The following METTL15 variants were observed in gnomAD, a reference collection of about 807,000 sequenced individuals.
The protein encoded by METTL15 is 12S rRNA N(4)-cytidine methyltransferase METTL15.
METTL15 carries 34 observed loss-of-function variants against 38.3 expected under a neutral mutation model. The observed-to-expected ratio is 0.89, with a 90% CI of 0.68 to 1.18. The LOEUF is 1.18. Among genes scored for constraint, METTL15 ranks in the 50% most tolerant of loss-of-function variants. The pLI, the probability that METTL15 is intolerant of heterozygous loss-of-function variation, is 0.00. For synonymous variants in METTL15, 162 were observed against 170.9 expected, an observed-to-expected ratio of 0.95 and a Z score of 0.41; for missense variants, 438 against 498.4, an observed-to-expected ratio of 0.88 and a Z score of 1.15.
At chr11:28,311,392 C>T (rs73438531) in intron 6 of METTL15, among the ~76,000 whole-genome samples, 21,955 of 152,160 alleles carry the variant, frequency 0.14, 1,782 homozygotes, top group East Asian at 0.29. Context: ...GTGCCCTGAA[C>T]GTTTCCTTCT....
At chr11:28,400,145 T>G (rs950850911) in intron 5 of METTL15, among the ~76,000 whole-genome samples, 2 of 151,964 alleles carry the variant, frequency 1.3e-5, no homozygotes, top group East Asian at 3.9e-4. Flanking sequence ...GATCATAGAT[T>G]TGGCCTTTTG....
intron 6 of METTL15, among the ~76,000 whole-genome samples, chr11:28,477,257 A>G (rs1212631683): frequency 6.6e-6 from 1 of 152,064 alleles, no homozygotes; most frequent in African/African-American, 2.4e-5. Flanking sequence ...GCTCACTGCA[A>G]TCTCCGCCTC....
intron 3 of METTL15, chr11:28,134,462 A>G: frequency 2.5e-6 from 1 of 398,112 alleles, no homozygotes; most frequent in South Asian, 1.3e-4. Context: ...TCTGCACAAA[A>G]CATGGGTTGG....
intron 3 of METTL15, among the ~76,000 whole-genome samples, chr11:28,171,459 A>G (rs1344498689): frequency 6.6e-6 from 1 of 152,148 alleles, no homozygotes; most frequent in African/African-American, 2.4e-5. Context: ...TTCTTAATGT[A>G]ATTTTTTAAA....
intron 4 of METTL15, among the ~76,000 whole-genome samples, chr11:28,277,710 AAC>A (rs1189529586): frequency 6.6e-6 from 1 of 152,130 alleles, no homozygotes; most frequent in Non-Finnish European, 1.5e-5. Flanking sequence ...AAGCAAAAAA[AAC>A]AGCAACAAAA....
chr11:28,456,910 G>GCCATGTGATTCTTC (rs1851174029), intron 6 of METTL15, among the ~76,000 whole-genome samples: 1 of 152,176 alleles, frequency 6.6e-6, no homozygotes, highest in Non-Finnish European at 1.5e-5. Flanking sequence ...TTAAGTCTAA[G>GCCATGTGATTCTTC]CCATGTGATT....
At chr11:28,191,980 A>G (rs1347383562) in intron 3 of METTL15, among the ~76,000 whole-genome samples, 3 of 151,684 alleles carry the variant, frequency 2.0e-5, no homozygotes, top group Non-Finnish European at 3.0e-5. Flanking sequence ...GTGTTTATAT[A>G]TTTAAAGCCT....
At chr11:28,287,850 G>A (rs1411194295) in intron 4 of METTL15, among the ~76,000 whole-genome samples, 1 of 152,004 alleles carries the variant, frequency 6.6e-6, no homozygotes, top group African/African-American at 2.4e-5. Context: ...ATCCAAACAA[G>A]CCAATCACAT....
chr11:28,297,995 C>A, intron 6 of METTL15, among the ~76,000 whole-genome samples: 1 of 151,966 alleles, frequency 6.6e-6, no homozygotes, highest in Middle Eastern at 3.4e-3. Flanking sequence ...AGACTATATT[C>A]TACTTAGTTA....
intron 1 of METTL15, among the ~76,000 whole-genome samples, chr11:28,109,912 G>A (rs115836267): frequency 9.8e-4 from 150 of 152,302 alleles, no homozygotes; most frequent in African/African-American, 3.5e-3. Flanking sequence ...TCCCACTACT[G>A]TGCCACCTTG....
At chr11:28,358,912 A>C (rs1850112225) in intron 4 of METTL15, among the ~76,000 whole-genome samples, 1 of 152,178 alleles carries the variant, frequency 6.6e-6, no homozygotes, top group South Asian at 2.1e-4. Context: ...CTGCATAAAT[A>C]TTCTTTGTTG....
At chr11:28,395,726 A>T (rs1700690420) in intron 5 of METTL15, among the ~76,000 whole-genome samples, 10 of 152,152 alleles carry the variant, frequency 6.6e-5, no homozygotes. Context: ...AAACGAGAGA[A>T]TCCTCCGTAA....
intron 3 of METTL15, among the ~76,000 whole-genome samples, chr11:28,159,352 G>T (rs1850372265): frequency 6.6e-6 from 1 of 151,862 alleles, no homozygotes; most frequent in African/African-American, 2.4e-5. Context: ...CATGCCCTGT[G>T]ATTAAGGTCA....
chr11:28,132,652 T>A (rs1328314830), intron 3 of METTL15, among the ~76,000 whole-genome samples: 1 of 152,174 alleles, frequency 6.6e-6, no homozygotes, highest in Non-Finnish European at 1.5e-5. Flanking sequence ...AGTGAATTTT[T>A]AAATTATCCT....
chr11:28,118,476 G>T (rs1286122942), intron 3 of METTL15, among the ~76,000 whole-genome samples: 2 of 151,880 alleles, frequency 1.3e-5, no homozygotes, highest in African/African-American at 2.4e-5. Context: ...TTGTGAAAAT[G>T]TATTATCCTA....
At chr11:28,201,682 A>G (rs1412414475) in intron 3 of METTL15, among the ~76,000 whole-genome samples, 1 of 148,970 alleles carries the variant, frequency 6.7e-6, no homozygotes, top group African/African-American at 2.5e-5. Flanking sequence ...AGGTGTTTAT[A>G]GTATTTTCTG....
chr11:28,476,478 G>T (rs1243776331), intron 6 of METTL15, among the ~76,000 whole-genome samples: 1 of 152,166 alleles, frequency 6.6e-6, no homozygotes, highest in African/African-American at 2.4e-5. Context: ...TGAGGTATTT[G>T]TATTCATCTT....
chr11:28,498,768 A>T (rs1851556953), intron 6 of METTL15, among the ~76,000 whole-genome samples: 1 of 152,226 alleles, frequency 6.6e-6, no homozygotes, highest in Admixed American at 6.5e-5. Flanking sequence ...TCTTCATGAT[A>T]CGGTAAGGTC....
At chr11:28,362,383 A>G (rs1850147162) in intron 5 of METTL15, among the ~76,000 whole-genome samples, 1 of 152,214 alleles carries the variant, frequency 6.6e-6, no homozygotes, top group South Asian at 2.1e-4. Context: ...GATTTGTTAC[A>G]TGGGTAAATT....
Sources: allele counts gnomAD v4.1 joint callset (sites outside exome capture counted in the v4.1 genomes callset), GRCh38; gene constraint gnomAD v4.1.1; transcripts MANE v1.5; gene names NCBI Gene and HGNC (gene_info 2026-07-23, HGNC 2026-07-21).